CELF2: variants seen among roughly 807,000 people sequenced by gnomAD.
CELF2 encodes CUGBP Elav-like family member 2, also known as CUG triplet repeat RNA-binding protein 2.
CELF2 carries 8 observed loss-of-function variants against 62.6 expected under a neutral mutation model. The ratio of observed to expected loss-of-function variants is 0.13; its 90% CI spans 0.07 to 0.23. The LOEUF is 0.23. Among genes scored for constraint, CELF2 ranks in the 10% least tolerant of loss-of-function variants. CELF2 has a pLI of 1.00. For synonymous variants in CELF2, 258 were observed against 250.0 expected (o/e 1.03, Z -0.30); for missense variants, 333 against 671.0 (o/e 0.50, Z 5.56).
At position 11,318,366 on chromosome 10, in the gene CELF2, T is replaced by C; in HGVS notation, c.1097-2823T>C. Reference sequence around the variant, plus strand: ...GCCCCTGGCTGGAGAGGCCAAACCCTCCCCGTGTCCCCTGACTGGTCCCCC... The same window carrying C: ...GCCCCTGGCTGGAGAGGCCAAACCCCCCCCGTGTCCCCTGACTGGTCCCCC... On this transcript the variant is annotated intron_variant, in intron 10 of 12. Coordinates refer to ENST00000633077, the MANE Select transcript of CELF2 (RefSeq NM_001326342.2). The surrounding 1 kb of genome is among the most constrained non-coding windows in gnomAD (Gnocchi z 5.4). 4.9e-6 allele frequency: 1 copy of C among 204,496 alleles called. No homozygotes were observed. The highest frequency in any genetic ancestry group is 1.4e-4 in the East Asian group (1 of 7,090). 12.7% of individuals were successfully genotyped at this position (204,496 alleles called of 1,614,324 possible). A position where few individuals can be genotyped will look rare whatever the true frequency, so the allele number is the denominator to read the frequency against.
chr10:11,033,278 A>G (rs1184496726), intron 1 of CELF2, among the ~76,000 whole-genome samples: 1 of 105,752 alleles, frequency 9.5e-6, no homozygotes, highest in African/African-American at 3.5e-5. Flanking sequence ...TTTTTTTTTT[A>G]GACAGTTTTG....
In CELF2 at chr10:11,280,826, G is replaced by A. The variant is rs2088232874; in HGVS notation, c.841+5706G>A. 6.6e-6 allele frequency among the ~76,000 whole-genome samples: 1 copy of A among 152,150 alleles called. No homozygotes were observed. The highest frequency in any genetic ancestry group is 2.1e-4 in the South Asian group (1 of 4,828). ...GGAGTGAGATGCCCAAGAGGCAGGG[G>A]AGGTCCTAGGGCTCTGAAGGGCTGC... On this transcript the variant is annotated intron_variant, in intron 8 of 12. Coordinates refer to ENST00000633077, the MANE Select transcript of CELF2 (RefSeq NM_001326342.2). This position sits in a 1 kb window ranked among gnomAD's most constrained non-coding sequence, Gnocchi z 7.6.
the CELF2 span, among the ~76,000 whole-genome samples, chr10:10,588,656 T>C: frequency 6.6e-6 from 1 of 152,196 alleles, no homozygotes; most frequent in African/African-American, 2.4e-5. Context: ...TACTCTGATA[T>C]TTCAAATGGC....
At chr10:10,864,028 C>G (rs1023006012) in intron 1 of CELF2, among the ~76,000 whole-genome samples, 1 of 152,160 alleles carries the variant, frequency 6.6e-6, no homozygotes, top group Non-Finnish European at 1.5e-5. Flanking sequence ...CTTGTTCAAA[C>G]AAACTTTTTA....
chr10:10,517,563 A>T, the CELF2 span, among the ~76,000 whole-genome samples: 1 of 152,140 alleles, frequency 6.6e-6, no homozygotes, highest in Non-Finnish European at 1.5e-5. Flanking sequence ...CCCATATTCT[A>T]CATCTGAAGC....
upstream of CELF2, among the ~76,000 whole-genome samples, chr10:10,795,855 C>T (rs181539389): frequency 2.1e-3 from 316 of 152,120 alleles, 1 homozygote; most frequent in African/African-American, 7.3e-3. Flanking sequence ...GGGTTTCAAA[C>T]GTTATCCTCC....
the CELF2 span, among the ~76,000 whole-genome samples, chr10:10,479,956 C>G: frequency 6.6e-6 from 1 of 152,148 alleles, no homozygotes; most frequent in Admixed American, 6.5e-5. Flanking sequence ...CCTGACCTGG[C>G]GATTTAGCCT....
the CELF2 span, among the ~76,000 whole-genome samples, chr10:10,757,927 A>C: frequency 6.6e-6 from 1 of 152,130 alleles, no homozygotes; most frequent in Non-Finnish European, 1.5e-5. Flanking sequence ...GCCCCTATGG[A>C]ACCACACTGT....
intron 1 of CELF2, among the ~76,000 whole-genome samples, chr10:10,918,535 T>C (rs1034599680): frequency 6.6e-6 from 1 of 152,222 alleles, no homozygotes. Context: ...TTCTCCAAAG[T>C]GCTCAGGTAT....
At chr10:11,218,343 A>G (rs915599415) in intron 3 of CELF2, among the ~76,000 whole-genome samples, 1 of 152,216 alleles carries the variant, frequency 6.6e-6, no homozygotes, top group African/African-American at 2.4e-5. Flanking sequence ...AAAGAAAGAT[A>G]AGGTAATGTC....
At chr10:11,189,125 G>A (rs888189704) in intron 2 of CELF2, among the ~76,000 whole-genome samples, 4 of 152,220 alleles carry the variant, frequency 2.6e-5, no homozygotes, top group East Asian at 1.9e-4. Context: ...ACCCAAGACC[G>A]TGAATTGTGA....
the CELF2 span, among the ~76,000 whole-genome samples, chr10:10,630,484 G>A: frequency 2.0e-5 from 3 of 152,292 alleles, no homozygotes; most frequent in East Asian, 3.9e-4. Context: ...ACTGCAGAAA[G>A]AGGCTGAAAT....
the CELF2 span, among the ~76,000 whole-genome samples, chr10:10,737,587 G>C: frequency 1.7e-3 from 253 of 152,140 alleles, 2 homozygotes; most frequent in East Asian, 0.019. Flanking sequence ...CCTCCAGCAA[G>C]GGGGGAAGCT....
chr10:11,017,792 G>T, upstream of CELF2: 1 of 222,884 alleles, frequency 4.5e-6, no homozygotes, highest in Non-Finnish European at 7.5e-6. The surrounding 1 kb of genome is among the most constrained non-coding windows in gnomAD (Gnocchi z 5.5). Flanking sequence ...TGTCCCCGCG[G>T]GGCGGAGCCG....
At chr10:11,130,903 C>G (rs778295020) in intron 1 of CELF2, among the ~76,000 whole-genome samples, 2 of 152,128 alleles carry the variant, frequency 1.3e-5, no homozygotes, top group African/African-American at 2.4e-5. Flanking sequence ...CCAGTCCCTC[C>G]AAAGTTAGAG....
chr10:10,562,942 C>G, the CELF2 span, among the ~76,000 whole-genome samples: 2 of 149,824 alleles, frequency 1.3e-5, no homozygotes, highest in Non-Finnish European at 2.9e-5. Context: ...TTTTTTAAAG[C>G]TAGGAACAAA....
At chr10:11,103,880 G>A (rs182921177) in intron 1 of CELF2, among the ~76,000 whole-genome samples, 14 of 152,242 alleles carry the variant, frequency 9.2e-5, no homozygotes, top group Admixed American at 8.5e-4. Context: ...GGATGGGAAG[G>A]CTAAAATTAT....
At chr10:10,878,958 C>T (rs1045157755) in intron 1 of CELF2, among the ~76,000 whole-genome samples, 1 of 152,130 alleles carries the variant, frequency 6.6e-6, no homozygotes, top group Non-Finnish European at 1.5e-5. Flanking sequence ...ACTAAGATTT[C>T]ATCCTTTACT....
chr10:11,131,503 C>A (rs563743853), intron 1 of CELF2, among the ~76,000 whole-genome samples: 1 of 152,344 alleles, frequency 6.6e-6, no homozygotes, highest in East Asian at 1.9e-4. Context: ...GTCTTCATAA[C>A]TGGTTTGTAA....
Sources: gnomAD v4.1 joint callset for allele counts (sites outside exome capture counted in the v4.1 genomes callset) on GRCh38, gnomAD v4.1.1 for gene constraint, Gnocchi (gnomAD v3.1) non-coding constraint, MANE v1.5 for transcripts, NCBI Gene and HGNC (gene_info 2026-07-23, HGNC 2026-07-21) for gene names.